C8orf34: variants seen among roughly 807,000 people sequenced by gnomAD.
C8orf34 encodes the protein chromosome 8 open reading frame 34, also known as uncharacterized protein C8orf34.
A neutral mutation model predicts 68.3 loss-of-function variants in C8orf34; 65 were observed. The observed-to-expected ratio is 0.95, with a 90% confidence interval of 0.78 to 1.17. The LOEUF (loss-of-function observed/expected upper bound fraction) is 1.17. Among genes scored for constraint, C8orf34 ranks in the 50% most tolerant of loss-of-function variants. The pLI is 0.00. For synonymous variants in C8orf34, 244 were observed against 241.2 expected, an observed-to-expected ratio of 1.01 and a Z score of -0.11; for missense variants, 664 against 655.4, an observed-to-expected ratio of 1.01 and a Z score of -0.14.
intron 10 of C8orf34, among the ~76,000 whole-genome samples, chr8:68,767,369 G>A (rs1032302900): frequency 3.9e-5 from 6 of 152,096 alleles, no homozygotes; most frequent in African/African-American, 1.4e-4. Context: ...GTCCCCCAAA[G>A]TTAACCTTGC....
In C8orf34 at chr8:68,679,839, C is replaced by G. The variant is rs367812152; in HGVS notation, c.1242-29155C>G. 5.9e-5 allele frequency among the ~76,000 whole-genome samples: 9 copies of G among 152,266 alleles called. No homozygotes were observed. In the East Asian group the frequency reaches 1.2e-3, roughly 20 times the overall value. ...GAACATGCACAGGGGAAAGAACAAT[C>G]TTTTCAATAAATGGTGCTGGGAAAA... On this transcript the variant is annotated intron_variant, in intron 8 of 13. Coordinates refer to ENST00000518698, the MANE Select transcript of C8orf34 (RefSeq NM_052958.4).
At chr8:68,718,859 G>T (rs981005966) in intron 9 of C8orf34, among the ~76,000 whole-genome samples, 3 of 151,980 alleles carry the variant, frequency 2.0e-5, no homozygotes, top group Non-Finnish European at 2.9e-5. Flanking sequence ...TTAGGTTTCT[G>T]GTAAAATTAC....
intron 7 of C8orf34, among the ~76,000 whole-genome samples, chr8:68,586,215 A>G (rs539644913): frequency 2.4e-4 from 37 of 152,272 alleles, no homozygotes; most frequent in Admixed American, 1.2e-3. Flanking sequence ...TTTAGTATGT[A>G]TTAACAACTT....
intron 5 of C8orf34, among the ~76,000 whole-genome samples, chr8:68,499,159 G>T (rs1265843920): frequency 6.6e-6 from 1 of 152,124 alleles, no homozygotes; most frequent in African/African-American, 2.4e-5. Flanking sequence ...GCTCCCACTT[G>T]TAAGTGAGAA....
chr8:68,687,230 A>G (rs941120891), intron 8 of C8orf34, among the ~76,000 whole-genome samples: 6 of 151,934 alleles, frequency 3.9e-5, no homozygotes, highest in African/African-American at 1.2e-4. Context: ...CTATTCAAAT[A>G]TATTATTTTT....
intron 10 of C8orf34, among the ~76,000 whole-genome samples, chr8:68,724,939 A>C (rs913936117): frequency 1.3e-5 from 2 of 151,828 alleles, no homozygotes; most frequent in Non-Finnish European, 2.9e-5. Context: ...AGCTCACTGC[A>C]GCCTTGACCT....
chr8:68,665,861 G>T (rs1366891587), intron 8 of C8orf34, among the ~76,000 whole-genome samples: 1 of 152,070 alleles, frequency 6.6e-6, no homozygotes, highest in Non-Finnish European at 1.5e-5. Flanking sequence ...TCTCCCCGCT[G>T]CTAGAATACT....
At chr8:68,717,348 C>A (rs542922599) in intron 9 of C8orf34, among the ~76,000 whole-genome samples, 1 of 152,052 alleles carries the variant, frequency 6.6e-6, no homozygotes, top group Non-Finnish European at 1.5e-5. Context: ...GGCCCGGGTT[C>A]GACCTGCGGT....
chr8:68,534,339 T>TGGTA (rs1815374217), intron 7 of C8orf34: 7 of 985,098 alleles, frequency 7.1e-6, no homozygotes, highest in African/African-American at 1.7e-5. Flanking sequence ...TATGTGGCAG[T>TGGTA]GGTAGCTTCA....
intron 1 of C8orf34, among the ~76,000 whole-genome samples, chr8:68,388,512 A>G (rs1808353458): frequency 6.6e-6 from 1 of 152,118 alleles, no homozygotes; most frequent in Non-Finnish European, 1.5e-5. Context: ...GCTCCTTAGG[A>G]ATATGGACTT....
chr8:68,791,474 A>C (rs1403996025), intron 12 of C8orf34: 1 of 152,522 alleles, frequency 6.6e-6, no homozygotes, highest in Non-Finnish European at 1.5e-5. Flanking sequence ...TGTGGGTTCA[A>C]TGCTTACAAA....
At chr8:68,589,942 G>A (rs1467497522) in intron 7 of C8orf34, among the ~76,000 whole-genome samples, 1 of 147,366 alleles carries the variant, frequency 6.8e-6, no homozygotes, top group Non-Finnish European at 1.5e-5. Context: ...AAGAAGGAAG[G>A]AAGGAGGAAA....
chr8:68,400,433 T>C (rs900614499), intron 1 of C8orf34, among the ~76,000 whole-genome samples: 1 of 152,142 alleles, frequency 6.6e-6, no homozygotes, highest in African/African-American at 2.4e-5. Context: ...CCCAGCACTA[T>C]TTACTGAAAA....
chr8:68,601,202 A>G (rs1200102255), intron 7 of C8orf34, among the ~76,000 whole-genome samples: 2 of 151,906 alleles, frequency 1.3e-5, no homozygotes, highest in African/African-American at 2.4e-5. Flanking sequence ...AGTTTTTATA[A>G]ATATAATTAT....
At chr8:68,544,391 C>G (rs1202140523) in intron 7 of C8orf34, among the ~76,000 whole-genome samples, 1 of 152,090 alleles carries the variant, frequency 6.6e-6, no homozygotes, top group African/African-American at 2.4e-5. Context: ...ACAGCCATGC[C>G]TAAGAATGAG....
intron 7 of C8orf34, among the ~76,000 whole-genome samples, chr8:68,619,707 G>C (rs1312718883): frequency 6.6e-6 from 1 of 152,132 alleles, no homozygotes; most frequent in East Asian, 1.9e-4. Flanking sequence ...CCTGTGGAGA[G>C]AGAATTTTGG....
intron 4 of C8orf34, among the ~76,000 whole-genome samples, chr8:68,475,856 AGGCCATCCAGACATT>A (rs916556896): frequency 6.6e-6 from 1 of 152,152 alleles, no homozygotes; most frequent in African/African-American, 2.4e-5. Context: ...GAGTATCTTT[AGGCCATCCAGACATT>A]GGTCCATGGA....
chr8:68,605,850 T>G (rs1005100867), intron 7 of C8orf34, among the ~76,000 whole-genome samples: 2 of 152,126 alleles, frequency 1.3e-5, no homozygotes, highest in African/African-American at 4.8e-5. Context: ...ACAAAGAATG[T>G]GCCCTAATGC....
chr8:68,381,503 C>G (rs1808030359), intron 1 of C8orf34, among the ~76,000 whole-genome samples: 1 of 151,506 alleles, frequency 6.6e-6, no homozygotes, highest in African/African-American at 2.4e-5. Flanking sequence ...GAGGCCGAGG[C>G]GGGTGGATCA....
Sources: gnomAD v4.1 joint callset for allele counts (sites outside exome capture counted in the v4.1 genomes callset) on GRCh38, gnomAD v4.1.1 for gene constraint, MANE v1.5 for transcripts, NCBI Gene and HGNC (gene_info 2026-07-23, HGNC 2026-07-21) for gene names.